ZNF142: variants seen among roughly 807,000 people sequenced by gnomAD.
ZNF142 encodes zinc finger protein 142 (clone pHZ-49).
ZNF142 carries 96 observed loss-of-function variants against 132.1 expected under a neutral mutation model. The ratio of observed to expected loss-of-function variants is 0.73; its 90% CI spans 0.62 to 0.86. The LOEUF is 0.86. ZNF142 is among the 40% of genes least tolerant of loss of function. The pLI, the probability that ZNF142 is intolerant of heterozygous loss-of-function variation, is 0.00. For synonymous variants in ZNF142, 842 were observed against 890.1 expected (o/e 0.95, Z 0.96); for missense variants, 2,163 against 2,336.2 (o/e 0.93, Z 1.53).
chr2:218,644,531 T>A lies in ZNF142; in HGVS notation c.2585A>T (p.Glu862Val), dbSNP rs1697560066. The A allele has an allele frequency of 2.5e-6, 4 of 1,614,004 alleles. No individual in the cohort carries two copies. The African/African-American group carries it at 5.3e-5, about 22-fold the overall frequency. The change falls in exon 9 of 11, where the codon GAG (glutamate) becomes GTG (valine). Residue 862 changes from glutamate to valine, a missense_variant. Transcript: ENST00000411696. This position sits in a 1 kb window ranked among gnomAD's most constrained non-coding sequence, Gnocchi z 4.6. ...GCCCTCCTGTCTTCCAGTGTTGACC[T>A]CCTCACTCATCTCTGGCAGGGCCTG... ...LDQALPEMSE[E>V]VNTGRQEGSE...
intron 5 of ZNF142, among the ~76,000 whole-genome samples, chr2:218,650,768 T>C (rs1167700098): frequency 1.3e-5 from 2 of 152,208 alleles, no homozygotes; most frequent in East Asian, 3.8e-4. Context: ...TCAGACTCCA[T>C]GAAGCTGACA....
rs1367717455 is a variant in ZNF142, at chr2:218,634,936, A to C, written c.*3403T>G. On this transcript the variant is annotated 3_prime_UTR_variant, in exon 11 of 11. Coordinates refer to ENST00000411696, the MANE Select transcript of ZNF142 (RefSeq NM_001379659.1). This position sits in a 1 kb window ranked among gnomAD's most constrained non-coding sequence, Gnocchi z 4.0. ...AAAGTTCTTACAATTCCTGGCACAC[A>C]GGAAGTGCTATAAAAGAGGCTGGCT... 5.9e-5 allele frequency among the ~76,000 whole-genome samples: 9 copies of C among 152,314 alleles called. No individual in the cohort carries two copies. The highest frequency in any genetic ancestry group is 1.5e-5 in the Non-Finnish European group (1 of 68,026).
At chr2:218,649,818 A>G (rs768153527) in intron 6 of ZNF142, among the ~76,000 whole-genome samples, 8 of 152,182 alleles carry the variant, frequency 5.3e-5, no homozygotes, top group Non-Finnish European at 8.8e-5. Flanking sequence ...GATTAGTTAG[A>G]AGGAAAAGAG....
At position 218,635,254 on chromosome 2, in the gene ZNF142, T is replaced by G. The variant is rs1039113960; in HGVS notation, c.*3085A>C. On this transcript the variant is annotated 3_prime_UTR_variant, in exon 11 of 11. Coordinates refer to ENST00000411696, the MANE Select transcript of ZNF142 (RefSeq NM_001379659.1). ...CTGCATTCCAGCTTGGTCAAGAGTA[T>G]GATCGTGTCTCTTTGAAAAAAAAAA... 1.3e-5 allele frequency among the ~76,000 whole-genome samples: 2 copies of G among 152,008 alleles called. No individual in the cohort carries two copies. The highest frequency in any genetic ancestry group is 2.9e-5 in the Non-Finnish European group (2 of 68,010).
At chr2:218,655,257 T>A (rs942682128) in intron 4 of ZNF142, among the ~76,000 whole-genome samples, 6 of 152,232 alleles carry the variant, frequency 3.9e-5, no homozygotes, top group Admixed American at 6.5e-5. Context: ...TTTCACCATA[T>A]GGAAGTTTGG....
chr2:218,646,807 G>C lies in ZNF142; in HGVS notation c.1874-459C>G, dbSNP rs183035787. On this transcript the variant is annotated intron_variant, in intron 7 of 10. Transcript: ENST00000411696. ...TCACCATGTTAGCCAGGCTGTTCTC[G>C]AACTCCTGACCTTAGGTGATCCGCC... 5.0e-3 allele frequency among the ~76,000 whole-genome samples: 759 copies of C among 152,118 alleles called. 11 individuals are homozygous for C. Among genetic ancestry groups the C allele is most frequent in the African/African-American group, 0.018 (727 of 41,518 alleles).
chr2:218,656,673 C>T (rs1390645320), intron 3 of ZNF142, among the ~76,000 whole-genome samples: 1 of 152,086 alleles, frequency 6.6e-6, no homozygotes, highest in African/African-American at 2.4e-5. Context: ...TATTAGGAGA[C>T]AGCCAACAAG....
rs1161522964 is a variant in ZNF142, at chr2:218,635,361, GAC to G, written c.*2976_*2977del. ...CATTTAATTTATTTGTTTATTCTGA[GAC>G]AGAGTCTTGCTCTGCTGCAGGCTGG... On this transcript the variant is annotated 3_prime_UTR_variant, in exon 11 of 11. Transcript: ENST00000411696. Among the ~76,000 whole-genome samples the G allele has an allele frequency of 6.6e-6, 1 of 152,098 alleles. No individual in the cohort carries two copies. The highest frequency in any genetic ancestry group is 1.5e-5 in the Non-Finnish European group (1 of 68,010).
In ZNF142 at chr2:218,638,715, CG is replaced by C; in HGVS notation, c.5287del (p.Arg1763GlyfsTer150). On this transcript the variant is annotated frameshift_variant, in exon 11 of 11. Coordinates refer to ENST00000411696, the MANE Select transcript of ZNF142 (RefSeq NM_001379659.1). LOFTEE classifies it high-confidence loss of function. ...VHQETRHREA[R>X]AFMCEQCGKA... Reference sequence around the variant, plus strand: ...GCCACACTGCTCACACATGAAAGCCCGTGCTTCTCGATGCCGGGTCTCCTGG... The same window carrying C: ...GCCACACTGCTCACACATGAAAGCCCTGCTTCTCGATGCCGGGTCTCCTGG... The C allele has an allele frequency of 6.2e-7, 1 of 1,613,976 alleles. No individual in the cohort carries two copies. Among genetic ancestry groups the C allele is most frequent in the Non-Finnish European group, 8.5e-7 (1 of 1,180,030 alleles).
At chr2:218,655,163 T>G (rs1308508303) in intron 4 of ZNF142, among the ~76,000 whole-genome samples, 4 of 152,236 alleles carry the variant, frequency 2.6e-5, no homozygotes, top group Non-Finnish European at 4.4e-5. Context: ...TTTTTCTTAC[T>G]GTGGCTCTTT....
rs1261130503 is a variant in ZNF142, at chr2:218,642,304, C to T, written c.4812G>A (p.Glu1604=). Residue 1604 remains glutamate (E), a synonymous_variant, in exon 9 of 11, where the codon GAG becomes GAA. Transcript: ENST00000411696. The surrounding 1 kb of genome is among the most constrained non-coding windows in gnomAD (Gnocchi z 4.6). ...AGGCTGCCACGGCTGCTGAAGTCTCCTCATGCTGTTCCAGGTAGTGCTTTA... is the reference window on the plus strand; with the variant it reads ...AGGCTGCCACGGCTGCTGAAGTCTCTTCATGCTGTTCCAGGTAGTGCTTTA... ...GLVKHYLEQH[E]ETSAAVAASD... The T allele has an allele frequency of 2.5e-6, 4 of 1,614,078 alleles. No homozygotes were observed. The highest frequency in any genetic ancestry group is 1.3e-5 in the African/African-American group (1 of 75,058).
Position 218,642,760 on chromosome 2 carries a change from G to C in ZNF142, c.4356C>G (p.Asp1452Glu), listed in dbSNP as rs377400160. 5 of 1,614,070 alleles carry C rather than the reference G, an allele frequency of 3.1e-6. No homozygotes were observed. Among genetic ancestry groups the C allele is most frequent in the African/African-American group, 1.3e-5 (1 of 74,938 alleles). Reference sequence around the variant, plus strand: ...GTGGACAGAAGTGGGTAGGTGTTTTGTCATGTACCCTTAACCGGTGCAAGC... The same window carrying C: ...GTGGACAGAAGTGGGTAGGTGTTTTCTCATGTACCCTTAACCGGTGCAAGC... ...KLRLHRLRVH[D>E]KTPTHFCPLC... Residue 1452 changes from aspartate to glutamate, a missense_variant, in exon 9 of 11, where the codon GAC (aspartate) becomes GAG (glutamate). By Grantham distance (45) the Asp-to-Glu change is conservative. Coordinates refer to ENST00000411696, the MANE Select transcript of ZNF142 (RefSeq NM_001379659.1). This position sits in a 1 kb window ranked among gnomAD's most constrained non-coding sequence, Gnocchi z 4.6.
In ZNF142 at chr2:218,637,386, AAG is replaced by A. The variant is rs1443571877; in HGVS notation, c.*951_*952del. On this transcript the variant is annotated 3_prime_UTR_variant, in exon 11 of 11. Transcript: ENST00000411696. The stretch of plus-strand genomic sequence containing the variant: ...AGGTTATGTGGTCCCAGCCTTCCTG[AAG>A]AGTCTGGCTGGAACCATCCTGGTTT... Among the ~76,000 whole-genome samples the A allele has an allele frequency of 1.3e-5, 2 of 152,214 alleles. No individual in the cohort carries two copies. Among genetic ancestry groups the A allele is most frequent in the Non-Finnish European group, 2.9e-5 (2 of 68,038 alleles).
Position 218,642,181 on chromosome 2 carries a change from C to A in ZNF142, c.4935G>T (p.Gly1645=), listed in dbSNP as rs1483731058. Residue 1645 remains glycine (G), a synonymous_variant, in exon 9 of 11, where the codon GGG becomes GGT. Coordinates refer to ENST00000411696, the MANE Select transcript of ZNF142 (RefSeq NM_001379659.1). The surrounding 1 kb of genome is among the most constrained non-coding windows in gnomAD (Gnocchi z 4.6). ...ACTTGTAGAGACGAGTGCCCCCATG[C>A]CCTTTCACATGGTGATCTAGTACCA... The part of the protein sequence containing the change: ...HQLVLDHHVK[G]HGGTRLYKCT... 3 of 1,614,176 alleles carry A rather than the reference C, an allele frequency of 1.9e-6. No homozygotes were observed. The highest frequency in any genetic ancestry group is 1.3e-5 in the African/African-American group (1 of 75,044).
chr2:218,654,908 G>A (rs1938347503), intron 4 of ZNF142, among the ~76,000 whole-genome samples: 1 of 152,080 alleles, frequency 6.6e-6, no homozygotes, highest in African/African-American at 2.4e-5. Flanking sequence ...AACAAGGTGA[G>A]ACCTCGTTTC....
intron 4 of ZNF142, among the ~76,000 whole-genome samples, chr2:218,653,262 G>A (rs1258704447): frequency 7.1e-6 from 1 of 141,534 alleles, no homozygotes; most frequent in South Asian, 2.5e-4. Context: ...CTGGCCAAGA[G>A]AGAGACTCTG....
At chr2:218,652,873 C>T (rs985295959) in intron 4 of ZNF142, among the ~76,000 whole-genome samples, 8 of 152,038 alleles carry the variant, frequency 5.3e-5, no homozygotes, top group African/African-American at 1.9e-4. Flanking sequence ...TGAGATTCTA[C>T]GAGATTAAGA....
Position 218,644,413 on chromosome 2 carries a change from T to C in ZNF142, c.2703A>G (p.Gly901=). The C allele has an allele frequency of 6.2e-7, 1 of 1,614,092 alleles. No homozygotes were observed. Among genetic ancestry groups the C allele is most frequent in the African/African-American group, 1.3e-5 (1 of 75,042 alleles). The change falls in exon 9 of 11, where the codon GGA becomes GGG. Residue 901 remains glycine (G), a synonymous_variant. Coordinates refer to ENST00000411696, the MANE Select transcript of ZNF142 (RefSeq NM_001379659.1). The surrounding 1 kb of genome is among the most constrained non-coding windows in gnomAD (Gnocchi z 4.6). ...GSCTLHLEAL[G]VELESVTEPP... is the part of the protein sequence containing the mutation. ...GCTCAGTCACAGACTCCAGCTCTAC[T>C]CCCAGGGCCTCTAGGTGTAGTGTGC...
chr2:218,647,572 T>C (rs919004048), intron 7 of ZNF142, among the ~76,000 whole-genome samples: 4 of 152,098 alleles, frequency 2.6e-5, no homozygotes, highest in African/African-American at 9.7e-5. Flanking sequence ...TTGACTACCA[T>C]GTGGGTTTGA....
Sources: allele counts gnomAD v4.1 joint callset (sites outside exome capture counted in the v4.1 genomes callset), GRCh38; gene constraint gnomAD v4.1.1; non-coding constraint Gnocchi (gnomAD v3.1); transcripts MANE v1.5; gene names NCBI Gene and HGNC (gene_info 2026-07-23, HGNC 2026-07-21).